The following GRIK1 variants were observed in gnomAD, a reference collection of about 807,000 sequenced individuals.
GRIK1 encodes the protein glutamate receptor ionotropic, kainate 1.
GRIK1 carries 69 observed loss-of-function variants against 105.7 expected under a neutral mutation model. The ratio of observed to expected loss-of-function variants is 0.65; its 90% CI spans 0.54 to 0.80. GRIK1 has a LOEUF of 0.80. Among genes scored for constraint, GRIK1 ranks in the 30% least tolerant of loss-of-function variants. The pLI is 0.00. For synonymous variants in GRIK1, 438 were observed against 431.3 expected, an observed-to-expected ratio of 1.02 and a Z score of -0.19; for missense variants, 1,109 against 1,167.3, an observed-to-expected ratio of 0.95 and a Z score of 0.73.
intron 7 of GRIK1, among the ~76,000 whole-genome samples, chr21:29,621,226 T>C (rs1251757041): frequency 2.0e-5 from 3 of 152,162 alleles, no homozygotes; most frequent in Non-Finnish European, 4.4e-5. Context: ...AAAAATCATT[T>C]CTGAATCATA....
Position 29,842,005 on chromosome 21 carries a change from T to G in GRIK1, c.118+97378A>C, listed in dbSNP as rs543761664. ...TTGTATGATCAAATGTTTATTTTTT[T>G]CTGGGTGAATTATTACAGAATATTC... On this transcript the variant is annotated intron_variant, in intron 1 of 17. Coordinates refer to ENST00000327783, the MANE Select transcript of GRIK1 (RefSeq NM_001330994.2). Among the ~76,000 whole-genome samples, 3 of 152,336 alleles carry G rather than the reference T, an allele frequency of 2.0e-5. No individual in the cohort carries two copies. The South Asian group carries it at 6.2e-4, about 32-fold the overall frequency.
At chr21:29,546,255 C>A (rs539115514) in intron 16 of GRIK1, among the ~76,000 whole-genome samples, 2 of 152,296 alleles carry the variant, frequency 1.3e-5, no homozygotes, top group Admixed American at 6.5e-5. Context: ...TGAGAAGAGC[C>A]ATGGATTTTT....
At chr21:29,907,923 T>G (rs564546882) in intron 1 of GRIK1, among the ~76,000 whole-genome samples, 3 of 152,154 alleles carry the variant, frequency 2.0e-5, no homozygotes, top group Non-Finnish European at 4.4e-5. Context: ...CAATTTTATT[T>G]AAGTTTTACT....
chr21:29,538,844 A>G lies in GRIK1; in HGVS notation c.2608-960T>C, dbSNP rs12106308. On this transcript the variant is annotated intron_variant, in intron 16 of 17. Transcript: ENST00000327783. ...TTCGTTTTGTTCCAAAAATAACTTG[A>G]TGTAGTTTAGAGAAGTAGTAGTTTT... 5.0e-3 allele frequency among the ~76,000 whole-genome samples: 766 copies of G among 152,304 alleles called. 6 individuals carry two copies. Among genetic ancestry groups the G allele is most frequent in the African/African-American group, 0.018 (728 of 41,588 alleles).
intron 1 of GRIK1, among the ~76,000 whole-genome samples, chr21:29,915,679 T>C (rs2070971261): frequency 6.6e-6 from 1 of 151,924 alleles, no homozygotes; most frequent in Non-Finnish European, 1.5e-5. Context: ...AGGATCTGAG[T>C]CTCTGCCTGA....
Position 29,625,576 on chromosome 21 carries a change from A to G in GRIK1, c.1098+17250T>C, listed in dbSNP as rs1237117047. ...CTCATGTCCTCTGAGAAGGTTTTAA[A>G]GTAACTTAAGTACTGAGGTGGAAGA... On this transcript the variant is annotated intron_variant, in intron 7 of 17. Transcript: ENST00000327783. Among the ~76,000 whole-genome samples the G allele has an allele frequency of 1.3e-5, 2 of 152,178 alleles. 1 individual carries two copies. The highest frequency in any genetic ancestry group is 6.3e-3 in the Middle Eastern group (2 of 316).
chr21:29,707,734 G>C (rs1239802090), intron 1 of GRIK1, among the ~76,000 whole-genome samples: 1 of 151,770 alleles, frequency 6.6e-6, no homozygotes, highest in African/African-American at 2.4e-5. Flanking sequence ...GAGCTGCCTC[G>C]GCCTCCCAAA....
At chr21:29,924,154 G>A (rs773860964) in intron 1 of GRIK1, among the ~76,000 whole-genome samples, 3 of 151,670 alleles carry the variant, frequency 2.0e-5, no homozygotes, top group South Asian at 2.1e-4. Context: ...CCTGGCCAAC[G>A]TGGTGAAACG....
chr21:29,835,232 T>C (rs1214251805), intron 1 of GRIK1, among the ~76,000 whole-genome samples: 1 of 152,200 alleles, frequency 6.6e-6, no homozygotes. Flanking sequence ...CCTACCCTAC[T>C]AGCCTGCAGC....
At chr21:29,857,989 T>G (rs1398870672) in intron 1 of GRIK1, among the ~76,000 whole-genome samples, 31 of 152,190 alleles carry the variant, frequency 2.0e-4, no homozygotes, top group Admixed American at 1.9e-3. Flanking sequence ...AGCATCCGCC[T>G]CCCAGGCTCA....
intron 14 of GRIK1, among the ~76,000 whole-genome samples, chr21:29,562,959 C>G (rs1193878756): frequency 3.3e-5 from 5 of 151,902 alleles, no homozygotes; most frequent in Admixed American, 3.3e-4. Context: ...GAATAGTGAT[C>G]TATGATTAGA....
chr21:29,592,646 C>G (rs767886670), intron 9 of GRIK1, among the ~76,000 whole-genome samples: 2 of 152,070 alleles, frequency 1.3e-5, no homozygotes, highest in Non-Finnish European at 2.9e-5. Context: ...GATTCTTTAC[C>G]TATAAAGTAT....
At chr21:29,927,021 T>C (rs1279462744) in intron 1 of GRIK1, among the ~76,000 whole-genome samples, 1 of 152,130 alleles carries the variant, frequency 6.6e-6, no homozygotes, top group East Asian at 1.9e-4. Flanking sequence ...GCAGAACAGA[T>C]ATTTCAAACT....
intron 14 of GRIK1, among the ~76,000 whole-genome samples, chr21:29,564,446 C>A (rs555409374): frequency 6.6e-6 from 1 of 152,302 alleles, no homozygotes; most frequent in African/African-American, 2.4e-5. Flanking sequence ...CGCGCCCGGC[C>A]GCACCACATT....
intron 3 of GRIK1, among the ~76,000 whole-genome samples, chr21:29,678,138 C>G (rs964653481): frequency 6.6e-6 from 1 of 152,166 alleles, no homozygotes; most frequent in Non-Finnish European, 1.5e-5. Flanking sequence ...AATTTCTTCT[C>G]TATTTGAACT....
At chr21:29,754,117 T>C (rs982326433) in intron 1 of GRIK1, among the ~76,000 whole-genome samples, 2 of 152,132 alleles carry the variant, frequency 1.3e-5, no homozygotes, top group Non-Finnish European at 2.9e-5. Context: ...TTACTCTGCA[T>C]AGTAAAATAT....
At chr21:29,712,872 T>C (rs2064091667) in intron 1 of GRIK1, among the ~76,000 whole-genome samples, 2 of 152,224 alleles carry the variant, frequency 1.3e-5, no homozygotes, top group African/African-American at 4.8e-5. Context: ...TCAATCTATC[T>C]TCTCATAGTG....
At chr21:29,701,708 C>G (rs567489086) in intron 1 of GRIK1, among the ~76,000 whole-genome samples, 60 of 152,286 alleles carry the variant, frequency 3.9e-4, no homozygotes, top group African/African-American at 1.4e-3. Flanking sequence ...ACAGGGAGAT[C>G]TGCCCTTGGA....
intron 14 of GRIK1, among the ~76,000 whole-genome samples, chr21:29,565,078 C>A (rs2090581201): frequency 6.6e-6 from 1 of 152,154 alleles, no homozygotes; most frequent in African/African-American, 2.4e-5. Flanking sequence ...GCAGGGAGGG[C>A]AGAACTTTCT....
Sources: gnomAD v4.1 joint callset for allele counts (sites outside exome capture counted in the v4.1 genomes callset) on GRCh38, gnomAD v4.1.1 for gene constraint, MANE v1.5 for transcripts, NCBI Gene and HGNC (gene_info 2026-07-23, HGNC 2026-07-21) for gene names.